GRM5: variants seen among roughly 807,000 people sequenced by gnomAD.
GRM5 encodes metabotropic glutamate receptor 5.
GRM5 carries 19 observed loss-of-function variants against 83.1 expected under a neutral mutation model. The ratio of observed to expected loss-of-function variants is 0.23; its 90% CI spans 0.16 to 0.34. The LOEUF is 0.34. Ranked by LOEUF, GRM5 falls within the 10% of genes least tolerant of loss-of-function variation. The pLI is 1.00. For missense variants in GRM5, 1,160 were observed against 1,588.3 expected, an observed-to-expected ratio of 0.73 and a Z score of 4.58; for synonymous variants, 675 against 633.6, an observed-to-expected ratio of 1.07 and a Z score of -0.98.
At chr11:88,965,464 T>C (rs1290136217) in intron 2 of GRM5, among the ~76,000 whole-genome samples, 3 of 152,142 alleles carry the variant, frequency 2.0e-5, no homozygotes, top group Non-Finnish European at 4.4e-5. Flanking sequence ...TACATTGAGA[T>C]TAGGATTTCA....
chr11:88,960,632 C>T (rs1249363767), intron 2 of GRM5, among the ~76,000 whole-genome samples: 1 of 152,088 alleles, frequency 6.6e-6, no homozygotes, highest in Non-Finnish European at 1.5e-5. Flanking sequence ...AGTTGGGAAG[C>T]TTACAATACC....
At chr11:89,020,644 G>A (rs115019713) in intron 2 of GRM5, among the ~76,000 whole-genome samples, 2,062 of 152,244 alleles carry the variant, frequency 0.014, 59 homozygotes, top group African/African-American at 0.047. Context: ...ACACAGAACC[G>A]GAGGAACCAT....
chr11:88,996,536 C>T (rs1940191253), intron 2 of GRM5, among the ~76,000 whole-genome samples: 1 of 152,148 alleles, frequency 6.6e-6, no homozygotes, highest in Admixed American at 6.5e-5. Flanking sequence ...GAAGCAAAAG[C>T]TGATACAATT....
At chr11:88,716,881 C>A (rs1425366839) in intron 3 of GRM5, among the ~76,000 whole-genome samples, 1 of 151,842 alleles carries the variant, frequency 6.6e-6, no homozygotes, top group Non-Finnish European at 1.5e-5. Context: ...GCCTTAGTGA[C>A]CATAAATTCA....
intron 1 of GRM5, among the ~76,000 whole-genome samples, chr11:89,060,079 A>G (rs1941958162): frequency 6.6e-6 from 1 of 152,136 alleles, no homozygotes; most frequent in Admixed American, 6.5e-5. Context: ...CCAACATACT[A>G]CAACTCACTG....
chr11:88,858,566 T>C (rs1944510093), intron 2 of GRM5, among the ~76,000 whole-genome samples: 1 of 152,012 alleles, frequency 6.6e-6, no homozygotes, highest in Non-Finnish European at 1.5e-5. Flanking sequence ...GAAATCAGAT[T>C]ATTTAAAGAA....
chr11:88,638,730 A>AT (rs1176214982), intron 4 of GRM5, among the ~76,000 whole-genome samples: 5 of 152,054 alleles, frequency 3.3e-5, no homozygotes, highest in African/African-American at 1.2e-4. Flanking sequence ...ATTTCAATGA[A>AT]TTTTTTTCAT....
At chr11:88,668,561 T>C (rs1940111515) in intron 3 of GRM5, among the ~76,000 whole-genome samples, 1 of 152,052 alleles carries the variant, frequency 6.6e-6, no homozygotes, top group Non-Finnish European at 1.5e-5. Context: ...AAATAACATA[T>C]TAGGAAACTG....
rs78112367 is a variant in GRM5 at position 88,690,668 on chromosome 11, G to C, written c.912-37265C>G. The stretch of plus-strand genomic sequence containing the variant: ...GGAGATGCCTCAAATGAATGACAAG[G>C]TCCCTCCCCTCGAGGATTTGTCACT... On this transcript the variant is annotated intron_variant, in intron 3 of 9. Transcript: ENST00000305447. Among the ~76,000 whole-genome samples, 12 of 152,224 alleles carry C rather than the reference G, an allele frequency of 7.9e-5. No homozygotes were observed. The East Asian group carries it at 2.1e-3, about 27-fold the overall frequency.
At chr11:88,938,437 C>T (rs648453) in intron 2 of GRM5, among the ~76,000 whole-genome samples, 149,319 of 151,678 alleles carry the variant, frequency 0.98, 73,546 homozygotes, top group East Asian at 1. Context: ...CAGAGCCTGA[C>T]ATTCAACAAG....
At chr11:88,672,722 TA>T (rs1940224152) in intron 3 of GRM5, among the ~76,000 whole-genome samples, 2 of 151,984 alleles carry the variant, frequency 1.3e-5, no homozygotes, top group African/African-American at 4.8e-5. Flanking sequence ...TTCTAGGCCA[TA>T]TTTATATAAT....
intron 2 of GRM5, among the ~76,000 whole-genome samples, chr11:88,921,226 C>CATCA (rs2135628851): frequency 6.6e-6 from 1 of 152,228 alleles, no homozygotes; most frequent in Non-Finnish European, 1.5e-5. Context: ...CAATGTGATA[C>CATCA]ATCATATCAA....
intron 3 of GRM5, among the ~76,000 whole-genome samples, chr11:88,759,081 G>C (rs1942455847): frequency 6.6e-6 from 1 of 152,066 alleles, no homozygotes; most frequent in Non-Finnish European, 1.5e-5. Context: ...CCCAAAGAAA[G>C]AACTAAATAT....
intron 3 of GRM5, among the ~76,000 whole-genome samples, chr11:88,687,572 TATATATAATATATA>T (rs1565187167): frequency 5.6e-4 from 17 of 30,356 alleles, no homozygotes; most frequent in East Asian, 2.8e-3. Flanking sequence ...TATATATATA[TATATATAATATATA>T]TATATATATA....
chr11:88,986,858 G>C (rs1025731508), intron 2 of GRM5, among the ~76,000 whole-genome samples: 6 of 147,648 alleles, frequency 4.1e-5, no homozygotes, highest in Non-Finnish European at 8.9e-5. Flanking sequence ...TCACATTTAA[G>C]TCTTTAATCC....
At chr11:89,053,337 A>T (rs1490205454) in intron 1 of GRM5, among the ~76,000 whole-genome samples, 1 of 152,242 alleles carries the variant, frequency 6.6e-6, no homozygotes, top group Non-Finnish European at 1.5e-5. Flanking sequence ...ATACACTTTT[A>T]AAAAAATCAT....
chr11:88,897,127 G>A (rs1355754838), intron 2 of GRM5, among the ~76,000 whole-genome samples: 5 of 151,812 alleles, frequency 3.3e-5, no homozygotes, highest in African/African-American at 4.8e-5. Flanking sequence ...AATAATAACC[G>A]TATGTCTGGA....
At chr11:88,521,726 C>G (rs1002993852) in intron 9 of GRM5, among the ~76,000 whole-genome samples, 4 of 152,016 alleles carry the variant, frequency 2.6e-5, no homozygotes, top group Non-Finnish European at 4.4e-5. Flanking sequence ...AAAAAAAAAG[C>G]CTCTTCACAT....
intron 2 of GRM5, among the ~76,000 whole-genome samples, chr11:88,858,283 A>T (rs1298667664): frequency 5.9e-5 from 9 of 152,114 alleles, no homozygotes; most frequent in Admixed American, 5.9e-4. Context: ...TTGCTAGTAT[A>T]ATTATGTAAC....
Sources: gnomAD v4.1 joint callset for allele counts (sites outside exome capture counted in the v4.1 genomes callset) on GRCh38, gnomAD v4.1.1 for gene constraint, MANE v1.5 for transcripts, NCBI Gene and HGNC (gene_info 2026-07-23, HGNC 2026-07-21) for gene names.